The following FRMPD4 variants were observed in gnomAD, a reference collection of about 807,000 sequenced individuals.
FRMPD4 encodes the protein FERM and PDZ domain containing 4, also known as FERM and PDZ domain-containing protein 4.
In FRMPD4, 22 loss-of-function variants were observed where a neutral mutation model predicts 94.1. That is an observed-to-expected ratio of 0.23 (90% CI 0.17 to 0.33). The LOEUF (loss-of-function observed/expected upper bound fraction) is 0.33, where lower values mean the gene tolerates loss of function less well. Ranked by LOEUF, FRMPD4 falls within the 10% of genes least tolerant of loss-of-function variation. FRMPD4 has a pLI of 1.00. For missense variants in FRMPD4, 1,111 were observed against 1,339.9 expected (o/e 0.83, Z 2.67); for synonymous variants, 631 against 548.6 (o/e 1.15, Z -2.10).
intron 1 of FRMPD4, among the ~76,000 whole-genome samples, chrX:12,458,507 G>A (rs1362812075): frequency 8.9e-6 from 1 of 111,935 alleles, no homozygotes; most frequent in Non-Finnish European, 1.9e-5. Context: ...TAGTTCTGCT[G>A]ACCTTGTCTG....
At chrX:11,996,126 A>T (rs2054494869) in intron 3 of FRMPD4, among the ~76,000 whole-genome samples, 1 of 112,137 alleles carries the variant, frequency 8.9e-6, no homozygotes, top group South Asian at 3.7e-4. Flanking sequence ...AAAGAAAAAA[A>T]AATAAAGCAG....
chrX:11,984,564 A>T (rs753739051), intron 3 of FRMPD4, among the ~76,000 whole-genome samples: 2 of 112,088 alleles, frequency 1.8e-5, no homozygotes, highest in African/African-American at 6.5e-5. Context: ...CTTGACTTTA[A>T]TTTTTCAGCC....
At chrX:12,316,322 T>G (rs970197634) in intron 1 of FRMPD4, among the ~76,000 whole-genome samples, 7 of 96,848 alleles carry the variant, frequency 7.2e-5, no homozygotes, top group African/African-American at 2.2e-4. Context: ...AATTTTTGTG[T>G]TTTTTTTTTT....
At chrX:11,844,981 T>C (rs2053565144) in intron 1 of FRMPD4, among the ~76,000 whole-genome samples, 1 of 112,263 alleles carries the variant, frequency 8.9e-6, no homozygotes, top group Non-Finnish European at 1.9e-5. Context: ...AAATCTACTG[T>C]TGTGCCCGTC....
At chrX:12,484,354 G>A (rs1231795594) in intron 1 of FRMPD4, among the ~76,000 whole-genome samples, 1 of 111,936 alleles carries the variant, frequency 8.9e-6, no homozygotes, top group Admixed American at 9.4e-5. Context: ...CAGTGGCTGT[G>A]CCATTGGGTT....
At chrX:11,869,739 G>T (rs922739717) in intron 2 of FRMPD4, among the ~76,000 whole-genome samples, 2 of 111,518 alleles carry the variant, frequency 1.8e-5, no homozygotes, top group East Asian at 5.6e-4. Context: ...GAAAAACTCT[G>T]GTTTAGGAAG....
intron 1 of FRMPD4, among the ~76,000 whole-genome samples, chrX:12,331,834 T>TA (rs2055404083): frequency 4.1e-5 from 2 of 49,324 alleles, no homozygotes; most frequent in African/African-American, 1.1e-4. Flanking sequence ...ATAAATTATA[T>TA]ATATTTATAT....
chrX:11,905,607 TTTGG>T (rs2053962911), intron 3 of FRMPD4, among the ~76,000 whole-genome samples: 5 of 111,497 alleles, frequency 4.5e-5, no homozygotes, highest in African/African-American at 1.6e-4. Context: ...TTAGCCCAGA[TTTGG>T]GCTCTAGTCT....
intron 4 of FRMPD4, among the ~76,000 whole-genome samples, chrX:12,668,650 G>C (rs1340867923): frequency 1.0e-5 from 1 of 100,012 alleles, no homozygotes; most frequent in Admixed American, 1.1e-4. Context: ...TGTCACCGAG[G>C]CTGGAGTGCA....
At chrX:12,382,530 G>GCATAGCATAGCATAGAGCATAGCAT (rs60602906) in intron 1 of FRMPD4, among the ~76,000 whole-genome samples, 21 of 45,571 alleles carry the variant, frequency 4.6e-4, no homozygotes, top group East Asian at 2.1e-3. Flanking sequence ...GCATAGCATA[G>GCATAGCATAGCATAGAGCATAGCAT]AGCATAGCAT....
chrX:12,330,936 C>T (rs2055361044), intron 1 of FRMPD4, among the ~76,000 whole-genome samples: 1 of 111,677 alleles, frequency 9.0e-6, no homozygotes, highest in Non-Finnish European at 1.9e-5. Flanking sequence ...TGATTTACAG[C>T]AGGGATTAGC....
At chrX:12,576,657 A>G (rs1385494758) in intron 2 of FRMPD4, among the ~76,000 whole-genome samples, 1 of 112,771 alleles carries the variant, frequency 8.9e-6, no homozygotes, top group East Asian at 2.8e-4. Context: ...AGTGGATGTT[A>G]TTGCTCAGAG....
intron 2 of FRMPD4, among the ~76,000 whole-genome samples, chrX:12,508,578 A>G (rs1288769639): frequency 1.8e-5 from 2 of 112,156 alleles, no homozygotes; most frequent in Non-Finnish European, 3.8e-5. Flanking sequence ...GGATGAATGG[A>G]TGGATGGATG....
At chrX:12,037,742 C>A (rs1356289577) in intron 3 of FRMPD4, among the ~76,000 whole-genome samples, 2 of 110,768 alleles carry the variant, frequency 1.8e-5, no homozygotes, top group African/African-American at 6.6e-5. Context: ...CACCCTCCAC[C>A]CTCAGGTAGG....
intron 1 of FRMPD4, among the ~76,000 whole-genome samples, chrX:12,440,421 A>T (rs189777984): frequency 5.7e-4 from 64 of 111,736 alleles, no homozygotes; most frequent in Non-Finnish European, 1.0e-3. Context: ...GGAGAAAGCC[A>T]AGCAAATGCA....
chrX:12,074,789 G>A (rs1326510769), intron 3 of FRMPD4, among the ~76,000 whole-genome samples: 2 of 112,461 alleles, frequency 1.8e-5, no homozygotes, highest in Non-Finnish European at 3.8e-5. Context: ...CTTGCACCAT[G>A]TCGAGTGACA....
At chrX:12,594,821 T>C (rs766047060) in intron 2 of FRMPD4, among the ~76,000 whole-genome samples, 1 of 111,814 alleles carries the variant, frequency 8.9e-6, no homozygotes, top group Non-Finnish European at 1.9e-5. Context: ...TTCTATTCCA[T>C]TGCACTATTT....
At chrX:12,071,474 CA>C (rs750821273) in intron 3 of FRMPD4, among the ~76,000 whole-genome samples, 2 of 111,543 alleles carry the variant, frequency 1.8e-5, no homozygotes, top group Non-Finnish European at 3.8e-5. Flanking sequence ...TTAAAATGTT[CA>C]ACAATCCTAT....
At chrX:12,489,565 T>A (rs1361166981) in intron 1 of FRMPD4, among the ~76,000 whole-genome samples, 1 of 111,948 alleles carries the variant, frequency 8.9e-6, no homozygotes, top group Non-Finnish European at 1.9e-5. Context: ...AAAATTAGAT[T>A]AGGCCATTTG....
Sources: gnomAD v4.1 joint callset for allele counts (sites outside exome capture counted in the v4.1 genomes callset) on GRCh38, gnomAD v4.1.1 for gene constraint, MANE v1.5 for transcripts, NCBI Gene and HGNC (gene_info 2026-07-23, HGNC 2026-07-21) for gene names.